The following TOX2 variants were observed in gnomAD, a reference collection of about 807,000 sequenced individuals.
TOX2 encodes granulosa cell HMG box 1.
In TOX2, 15 loss-of-function variants were observed where a neutral mutation model predicts 47.4. The ratio of observed to expected loss-of-function variants is 0.32; its 90% CI spans 0.21 to 0.49. The LOEUF is 0.49. Ranked by LOEUF, TOX2 falls within the 20% of genes least tolerant of loss-of-function variation. The probability of loss-of-function intolerance (pLI) is 0.99; values close to 1 mark genes in which losing one functional copy is unlikely to be tolerated. For missense variants in TOX2, 622 were observed against 673.1 expected (o/e 0.92, Z 0.84); for synonymous variants, 290 against 296.6 (o/e 0.98, Z 0.23).
chr20:44,066,892 A>G, intron 8 of TOX2, 35 bp downstream of exon 8: 1 of 1,591,270 alleles, frequency 6.3e-7, no homozygotes, highest in Non-Finnish European at 8.6e-7. Context: ...TTGTCCTGCC[A>G]GCCAGGGAGA....
At chr20:43,980,166 T>G (rs1200731191) in intron 2 of TOX2, among the ~76,000 whole-genome samples, 1 of 152,334 alleles carries the variant, frequency 6.6e-6, no homozygotes, top group East Asian at 1.9e-4. Flanking sequence ...AATGTGGTAT[T>G]TATACACAAT....
chr20:43,925,600 C>T (rs1466118186), intron 1 of TOX2, among the ~76,000 whole-genome samples: 2 of 152,206 alleles, frequency 1.3e-5, no homozygotes, highest in South Asian at 2.1e-4. Context: ...GGGCTTTGGA[C>T]GGGCACAGGG....
At chr20:43,937,083 CCA>C (rs1165312984) in intron 1 of TOX2, among the ~76,000 whole-genome samples, 1 of 152,134 alleles carries the variant, frequency 6.6e-6, no homozygotes, top group Non-Finnish European at 1.5e-5. Flanking sequence ...TGAAGGAGAG[CCA>C]CACAGGGCCG....
At chr20:43,943,645 C>T (rs1159246076) in intron 1 of TOX2, among the ~76,000 whole-genome samples, 1 of 151,354 alleles carries the variant, frequency 6.6e-6, no homozygotes, top group Non-Finnish European at 1.5e-5. Flanking sequence ...GCAGAGGGAA[C>T]AACAAAAAAA....
chr20:44,040,788 G>T (rs967244025), intron 3 of TOX2, among the ~76,000 whole-genome samples: 6 of 152,158 alleles, frequency 3.9e-5, no homozygotes, highest in South Asian at 2.1e-4. Flanking sequence ...AGTCGCTGGT[G>T]GGGGGAGTGG....
intron 5 of TOX2, among the ~76,000 whole-genome samples, chr20:44,062,354 C>G (rs994123596): frequency 6.8e-6 from 1 of 147,550 alleles, no homozygotes; most frequent in Non-Finnish European, 1.5e-5. Context: ...AGAACTCAAC[C>G]CCCTTTAACT....
chr20:44,015,513 CA>C (rs760831297), intron 3 of TOX2, among the ~76,000 whole-genome samples: 1 of 152,090 alleles, frequency 6.6e-6, no homozygotes, highest in Non-Finnish European at 1.5e-5. Flanking sequence ...TACTCGGCTG[CA>C]AAAGCTAAGC....
intron 2 of TOX2, among the ~76,000 whole-genome samples, chr20:43,996,213 T>C (rs1454211932): frequency 1.3e-5 from 2 of 152,210 alleles, no homozygotes; most frequent in African/African-American, 4.8e-5. Context: ...TTCTGACTGG[T>C]GTGAGATGGT....
At chr20:43,992,815 TTTTAGAACATG>T (rs947326092) in intron 2 of TOX2, among the ~76,000 whole-genome samples, 6 of 150,712 alleles carry the variant, frequency 4.0e-5, no homozygotes, top group Non-Finnish European at 8.9e-5. Context: ...GTAATGCTGG[TTTTAGAACATG>T]AAACACATTC....
chr20:44,054,643 T>C, intron 5 of TOX2, 117 bp downstream of exon 5: 2 of 1,142,680 alleles, frequency 1.8e-6, no homozygotes, highest in South Asian at 2.7e-5. Flanking sequence ...CTTACAGAGG[T>C]CTTTCCTGGG....
At chr20:43,923,279 C>T (rs889376637) in intron 1 of TOX2, among the ~76,000 whole-genome samples, 34 of 152,188 alleles carry the variant, frequency 2.2e-4, no homozygotes, top group Non-Finnish European at 3.7e-4. Flanking sequence ...GAATGCATCA[C>T]ATTGCTGGAT....
Position 43,928,872 on chromosome 20 carries a change from C to T in TOX2, c.99+13882C>T, listed in dbSNP as rs533363901. ...CAGTGGGGCCGGGCGTGGTGGCTCA[C>T]GCCTGTAATCCCAGCACTTTGGGAG... On this transcript the variant is annotated intron_variant, in intron 1 of 8. Coordinates refer to ENST00000341197, the MANE Select transcript of TOX2 (RefSeq NM_001098797.2). Among the ~76,000 whole-genome samples the T allele has an allele frequency of 7.3e-5, 11 of 151,582 alleles. No individual in the cohort carries two copies. In the South Asian group the frequency reaches 1.3e-3, roughly 17 times the overall value.
intron 3 of TOX2, among the ~76,000 whole-genome samples, chr20:44,049,712 G>A (rs183419639): frequency 3.0e-4 from 45 of 152,168 alleles, no homozygotes; most frequent in African/African-American, 9.2e-4. Flanking sequence ...CACATTGTTC[G>A]GCTTCCACTT....
chr20:43,958,983 G>A (rs34005691), intron 1 of TOX2, among the ~76,000 whole-genome samples: 22,202 of 152,174 alleles, frequency 0.15, 2,016 homozygotes, highest in Admixed American at 0.28. Context: ...TGTTTTCTGG[G>A]AGAGAAAAGG....
chr20:44,064,692 A>G, intron 5 of TOX2, 85 bp from the exon 6 acceptor site: 1 of 1,314,358 alleles, frequency 7.6e-7, no homozygotes, highest in Non-Finnish European at 1.1e-6. Flanking sequence ...TGATCCTTGA[A>G]TCCATGCCTT....
intron 3 of TOX2, among the ~76,000 whole-genome samples, chr20:44,012,665 A>G (rs2070797638): frequency 6.6e-6 from 1 of 152,166 alleles, no homozygotes; most frequent in Non-Finnish European, 1.5e-5. Flanking sequence ...TATCTATGAA[A>G]TGGGGATTGG....
At position 43,998,331 on chromosome 20, in the gene TOX2, T is replaced by C. The variant is rs113945036; in HGVS notation, c.166-8216T>C. ...CAAAGCCAAAGCCTATCAGTGTAGT[T>C]AGGTCTTAGAATTTGATCTATCTAA... On this transcript the variant is annotated intron_variant, in intron 2 of 8. Transcript: ENST00000341197. Among the ~76,000 whole-genome samples, 654 of 152,318 alleles carry C rather than the reference T, an allele frequency of 4.3e-3. 1 individual carries two copies. Among genetic ancestry groups the C allele is most frequent in the Middle Eastern group, 0.01 (3 of 294 alleles).
At chr20:43,925,405 G>A (rs895190397) in intron 1 of TOX2, among the ~76,000 whole-genome samples, 2 of 152,148 alleles carry the variant, frequency 1.3e-5, no homozygotes, top group African/African-American at 2.4e-5. Flanking sequence ...ATGAGCCTAC[G>A]AAGTCCTTGG....
chr20:43,964,656 C>T (rs1279949157), intron 1 of TOX2, among the ~76,000 whole-genome samples: 2 of 152,290 alleles, frequency 1.3e-5, no homozygotes, highest in South Asian at 2.1e-4. Context: ...TACCTGGGAT[C>T]AAGGCCAAGT....
Sources: gnomAD v4.1 joint callset for allele counts (sites outside exome capture counted in the v4.1 genomes callset) on GRCh38, gnomAD v4.1.1 for gene constraint, MANE v1.5 for transcripts, NCBI Gene and HGNC (gene_info 2026-07-23, HGNC 2026-07-21) for gene names.